The following GSE1 variants were observed in gnomAD, a reference collection of about 807,000 sequenced individuals.
GSE1 encodes genetic suppressor element 1.
GSE1 carries 32 observed loss-of-function variants against 112.6 expected under a neutral mutation model. The observed-to-expected ratio is 0.28, with a 90% CI of 0.21 to 0.38. The LOEUF is 0.38. Ranked by LOEUF, GSE1 falls within the 10% of genes least tolerant of loss-of-function variation. GSE1 has a pLI of 1.00. For missense variants in GSE1, 2,348 were observed against 1,699.2 expected, an observed-to-expected ratio of 1.38 and a Z score of -6.71; for synonymous variants, 1,115 against 735.6, an observed-to-expected ratio of 1.52 and a Z score of -8.35.
In GSE1 at chr16:85,666,137, G is replaced by C. The variant is rs771660900; in HGVS notation, c.2920G>C (p.Ala974Pro). ...QELAPASGEK[A>P]RLSEAPGGKK... ...GCTAGCTCCTGCCAGCGGGGAGAAG[G>C]CCAGGCTGAGCGAGGCCCCTGGAGG... Residue 974 changes from alanine (A) to proline (P), a missense_variant, in exon 13 of 16, where the codon GCC (alanine) becomes CCC (proline). Coordinates refer to ENST00000253458, the MANE Select transcript of GSE1 (RefSeq NM_014615.5). 1.2e-6 allele frequency: 2 copies of C among 1,613,202 alleles called. No homozygotes were observed. The highest frequency in any genetic ancestry group is 1.7e-6 in the Non-Finnish European group (2 of 1,179,984).
At chr16:85,521,944 C>T (rs1018859619) in intron 2 of GSE1, among the ~76,000 whole-genome samples, 4 of 152,358 alleles carry the variant, frequency 2.6e-5, no homozygotes, top group Admixed American at 2.6e-4. Context: ...TGAAGCTGGG[C>T]CCCGCTCACA....
At chr16:85,274,251 C>T (rs998153274) in intron 1 of GSE1, among the ~76,000 whole-genome samples, 5 of 151,826 alleles carry the variant, frequency 3.3e-5, no homozygotes, top group African/African-American at 1.2e-4. Flanking sequence ...GGCGTGGCAG[C>T]AGCCACCCCT....
chr16:85,190,968 A>G (rs917290363), intron 1 of GSE1, among the ~76,000 whole-genome samples: 7 of 152,184 alleles, frequency 4.6e-5, no homozygotes, highest in African/African-American at 1.7e-4. Flanking sequence ...AAAGATATAT[A>G]TATTTTAGAA....
intron 2 of GSE1, among the ~76,000 whole-genome samples, chr16:85,438,505 G>A (rs1315618085): frequency 3.9e-5 from 6 of 152,158 alleles, no homozygotes; most frequent in Admixed American, 6.5e-5. Context: ...CTTAATCCTC[G>A]GGACAATCTA....
At chr16:85,383,630 C>T (rs2047617549) in intron 2 of GSE1, among the ~76,000 whole-genome samples, 1 of 151,808 alleles carries the variant, frequency 6.6e-6, no homozygotes, top group African/African-American at 2.4e-5. Context: ...TGAGTTTCCT[C>T]AGAAGCCGAC....
chr16:85,514,265 C>T (rs1272390096), intron 2 of GSE1, among the ~76,000 whole-genome samples: 2 of 151,710 alleles, frequency 1.3e-5, no homozygotes, highest in African/African-American at 4.8e-5. Flanking sequence ...TGCTCTTCCT[C>T]TCCCTCCAGT....
chr16:85,534,982 CG>C (rs2044273742), intron 2 of GSE1, among the ~76,000 whole-genome samples: 1 of 152,198 alleles, frequency 6.6e-6, no homozygotes, highest in African/African-American at 2.4e-5. Flanking sequence ...CATGTGTGCA[CG>C]GCATGGCAGC....
chr16:85,389,185 G>GT (rs2047774586), intron 2 of GSE1, among the ~76,000 whole-genome samples: 1 of 152,076 alleles, frequency 6.6e-6, no homozygotes, highest in Non-Finnish European at 1.5e-5. Flanking sequence ...TAGGGGCCGG[G>GT]GCAGTGGCTC....
Position 85,492,127 on chromosome 16 carries a change from G to A in GSE1, c.2464+134484G>A, listed in dbSNP as rs546990747. 9.2e-5 allele frequency among the ~76,000 whole-genome samples: 14 copies of A among 152,338 alleles called. No individual in the cohort carries two copies. In the South Asian group the frequency reaches 1.4e-3, roughly 16 times the overall value. On this transcript the variant is annotated intron_variant, in intron 2 of 2. Coordinates refer to the GSE1 transcript ENST00000637419. ...CAGCGGGTGCCAGACAGGCTTGGCCGGAGCCTCCGGTTGACTTGCTTTTCC... is the reference window on the plus strand; with the variant it reads ...CAGCGGGTGCCAGACAGGCTTGGCCAGAGCCTCCGGTTGACTTGCTTTTCC...
intron 1 of GSE1, among the ~76,000 whole-genome samples, chr16:85,177,920 C>T (rs1489560520): frequency 6.6e-6 from 1 of 152,156 alleles, no homozygotes; most frequent in African/African-American, 2.4e-5. Flanking sequence ...GAGCCTCTAC[C>T]CTCATCCATA....
At chr16:85,552,328 CTTTTTTT>C (rs1195413161), upstream of GSE1, among the ~76,000 whole-genome samples, 2 of 47,746 alleles carry the variant, frequency 4.2e-5, no homozygotes, top group South Asian at 1.0e-3. Context: ...CCCGCCCCTC[CTTTTTTT>C]TTTTTTTTTT....
intron 1 of GSE1, among the ~76,000 whole-genome samples, chr16:85,251,365 G>A (rs1156267114): frequency 6.6e-6 from 1 of 152,268 alleles, no homozygotes; most frequent in African/African-American, 2.4e-5. Context: ...AAATAACACA[G>A]AGTAGGTGCC....
intron 2 of GSE1, among the ~76,000 whole-genome samples, chr16:85,638,187 C>G (rs1221192103): frequency 6.6e-6 from 1 of 152,236 alleles, no homozygotes; most frequent in Non-Finnish European, 1.5e-5. Flanking sequence ...CTCATTGTGT[C>G]TCAAGGGTGT....
intron 1 of GSE1, among the ~76,000 whole-genome samples, chr16:85,309,071 A>G (rs1479134756): frequency 6.6e-6 from 1 of 151,324 alleles, no homozygotes; most frequent in Non-Finnish European, 1.5e-5. Flanking sequence ...TGCATTTCTG[A>G]CAGGCTCTGA....
At position 85,395,603 on chromosome 16, in the gene GSE1, C is replaced by T. The variant is rs554007478; in HGVS notation, c.2464+37960C>T. Among the ~76,000 whole-genome samples, 20 of 152,338 alleles carry T rather than the reference C, an allele frequency of 1.3e-4. No homozygotes were observed. In the East Asian group the frequency reaches 3.5e-3, roughly 26 times the overall value. The stretch of plus-strand genomic sequence containing the variant: ...TTTGGCTGGGCACCATGCCAGCCCT[C>T]GCCACAGCGGCTCCAGACCTCCCTT... On this transcript the variant is annotated intron_variant, in intron 2 of 2. Transcript: ENST00000637419.
chr16:85,522,566 G>A (rs1353395830), intron 2 of GSE1, among the ~76,000 whole-genome samples: 1 of 152,248 alleles, frequency 6.6e-6, no homozygotes, highest in African/African-American at 2.4e-5. Context: ...TAGCTCATCT[G>A]TGGCTCACAA....
intron 2 of GSE1, among the ~76,000 whole-genome samples, chr16:85,456,631 T>TGTGTGTGC (rs2049836077): frequency 7.1e-6 from 1 of 141,246 alleles, no homozygotes; most frequent in South Asian, 2.3e-4. Flanking sequence ...TGTGTGTGTG[T>TGTGTGTGC]GTGTGTGTGG....
At chr16:85,244,993 A>G (rs1905479891) in intron 1 of GSE1, among the ~76,000 whole-genome samples, 1 of 148,168 alleles carries the variant, frequency 6.7e-6, no homozygotes, top group Admixed American at 6.7e-5. Context: ...TTCATCTCAA[A>G]AAAAAAAAAA....
chr16:85,179,777 G>T (rs1045223147), intron 1 of GSE1, among the ~76,000 whole-genome samples: 1 of 152,206 alleles, frequency 6.6e-6, no homozygotes, highest in Non-Finnish European at 1.5e-5. Context: ...GAATTGAGAA[G>T]GGGTTTGCAT....
Sources: allele counts gnomAD v4.1 joint callset (sites outside exome capture counted in the v4.1 genomes callset), GRCh38; gene constraint gnomAD v4.1.1; transcripts MANE v1.5; gene names NCBI Gene and HGNC (gene_info 2026-07-23, HGNC 2026-07-21).